PDE4D: variants seen among roughly 807,000 people sequenced by gnomAD.
PDE4D encodes the protein 3',5'-cyclic-AMP phosphodiesterase 4D.
PDE4D carries 24 observed loss-of-function variants against 87.4 expected under a neutral mutation model. The ratio of observed to expected loss-of-function variants is 0.27; its 90% CI spans 0.20 to 0.39. PDE4D has a LOEUF of 0.39. Ranked by LOEUF, PDE4D falls within the 10% of genes least tolerant of loss-of-function variation. The probability of loss-of-function intolerance (pLI) is 1.00; values close to 1 mark genes in which losing one functional copy is unlikely to be tolerated. For missense variants in PDE4D, 714 were observed against 1,041.0 expected, an observed-to-expected ratio of 0.69 and a Z score of 4.32; for synonymous variants, 384 against 383.2, an observed-to-expected ratio of 1.00 and a Z score of -0.02.
At chr5:59,708,635 T>C (rs924285042) in intron 1 of PDE4D, among the ~76,000 whole-genome samples, 9 of 152,150 alleles carry the variant, frequency 5.9e-5, no homozygotes, top group African/African-American at 2.2e-4. Context: ...TTAGACATGA[T>C]GGCTTAGTTG....
intron 1 of PDE4D, among the ~76,000 whole-genome samples, chr5:60,299,884 T>C (rs1753740373): frequency 1.3e-5 from 2 of 152,196 alleles, no homozygotes. Context: ...ATCTTTATAA[T>C]AGAATGATTT....
At chr5:60,142,064 C>A (rs1479097389) in intron 2 of PDE4D, among the ~76,000 whole-genome samples, 3 of 151,958 alleles carry the variant, frequency 2.0e-5, no homozygotes, top group Non-Finnish European at 4.4e-5. Flanking sequence ...AAACATGTAC[C>A]TTTACATTGA....
intron 1 of PDE4D, among the ~76,000 whole-genome samples, chr5:59,836,228 A>G (rs1178786374): frequency 6.6e-5 from 10 of 152,012 alleles, no homozygotes; most frequent in Admixed American, 2.0e-4. Flanking sequence ...CATCATTACA[A>G]TACTTAGCAC....
rs1284942354 is a variant in PDE4D at position 59,433,949 on chromosome 5, C to T, written c.456-217981G>A. Among the ~76,000 whole-genome samples the T allele has an allele frequency of 7.9e-5, 12 of 152,078 alleles. No homozygotes were observed. The East Asian group carries it at 2.3e-3, about 29-fold the overall frequency. On this transcript the variant is annotated intron_variant, in intron 1 of 14. Coordinates refer to ENST00000340635, the MANE Select transcript of PDE4D (RefSeq NM_001104631.2). ...GGAATAATACATATTAATTAAGGTT[C>T]TTTCAGCCTTTAACTCTACCCTGGC...
chr5:60,131,903 T>C (rs1360970792), intron 2 of PDE4D, among the ~76,000 whole-genome samples: 3 of 152,182 alleles, frequency 2.0e-5, no homozygotes, highest in African/African-American at 7.2e-5. Flanking sequence ...TGCCATGTTA[T>C]TAGGGCTTCT....
chr5:59,124,981 T>TA (rs201723470), intron 5 of PDE4D, among the ~76,000 whole-genome samples: 82 of 147,154 alleles, frequency 5.6e-4, no homozygotes, highest in Middle Eastern at 3.5e-3. Flanking sequence ...TTTTCTTTTC[T>TA]TTTCTTTTTT....
chr5:59,009,715 T>C (rs1211738972), intron 6 of PDE4D, among the ~76,000 whole-genome samples: 1 of 152,120 alleles, frequency 6.6e-6, no homozygotes, highest in East Asian at 1.9e-4. Flanking sequence ...GTTATCCAAT[T>C]GTACACATTT....
At position 58,975,857 on chromosome 5, in the gene PDE4D, A is replaced by T; in HGVS notation, c.1831-18T>A. On this transcript the variant is annotated intron_variant, in intron 13 of 14. Coordinates refer to ENST00000340635, the MANE Select transcript of PDE4D (RefSeq NM_001104631.2). The surrounding 1 kb of genome is among the most constrained non-coding windows in gnomAD (Gnocchi z 4.2). Reference sequence around the variant, plus strand: ...TGAAGAACCTAAAATAGATGGATGCATTCTCTATTCACTCCTGTTCCTTTT... The same window carrying T: ...TGAAGAACCTAAAATAGATGGATGCTTTCTCTATTCACTCCTGTTCCTTTT... 1 of 1,407,984 alleles carries T rather than the reference A, an allele frequency of 7.1e-7. No homozygotes were observed. Among genetic ancestry groups the T allele is most frequent in the African/African-American group, 1.5e-5 (1 of 67,664 alleles). 87.2% of individuals were successfully genotyped at this position (1,407,984 alleles called of 1,614,324 possible).
Position 59,812,723 on chromosome 5 carries a change from T to C in PDE4D, c.455+80445A>G, listed in dbSNP as rs147169782. Among the ~76,000 whole-genome samples, 479 of 152,054 alleles carry C rather than the reference T, an allele frequency of 3.2e-3. 5 individuals carry two copies. Among genetic ancestry groups the C allele is most frequent in the African/African-American group, 0.011 (446 of 41,500 alleles). On this transcript the variant is annotated intron_variant, in intron 1 of 14. Transcript: ENST00000340635. ...AAAGTAACAAGTGAGACAAGTGAGA[T>C]AAAACTAAATCCAGTTTATAAGAAA...
chr5:59,349,361 GC>G (rs1365839240), intron 1 of PDE4D, among the ~76,000 whole-genome samples: 2 of 152,066 alleles, frequency 1.3e-5, no homozygotes, highest in African/African-American at 4.8e-5. Flanking sequence ...AGAAGCTGAG[GC>G]CTCCAGAACA....
At chr5:60,123,219 G>A (rs1391700957) in intron 2 of PDE4D, among the ~76,000 whole-genome samples, 1 of 152,044 alleles carries the variant, frequency 6.6e-6, no homozygotes, top group East Asian at 1.9e-4. Flanking sequence ...CTGCCTGTTG[G>A]GCAATTCCAA....
rs546966281 is a variant in PDE4D at position 59,325,763 on chromosome 5, T to C, written c.456-109795A>G. Among the ~76,000 whole-genome samples, 4 of 152,294 alleles carry C rather than the reference T, an allele frequency of 2.6e-5. No homozygotes were observed. The South Asian group carries it at 6.2e-4, about 24-fold the overall frequency. On this transcript the variant is annotated intron_variant, in intron 1 of 14. Transcript: ENST00000340635. ...GAGCCAGTACTATTGACAGTCTGCT[T>C]ATTCACTAATTTCTATGTGTGGAGG...
chr5:59,959,992 A>T (rs1476189199), intron 3 of PDE4D, among the ~76,000 whole-genome samples: 2 of 152,108 alleles, frequency 1.3e-5, no homozygotes, highest in Non-Finnish European at 2.9e-5. Context: ...ACTTATACAA[A>T]TCAATAAGAA....
intron 4 of PDE4D, among the ~76,000 whole-genome samples, chr5:59,184,486 A>G (rs1742426284): frequency 6.6e-6 from 1 of 151,996 alleles, no homozygotes; most frequent in Non-Finnish European, 1.5e-5. Flanking sequence ...TATGATTTAA[A>G]TGTTTTTTTT....
At chr5:59,395,024 G>T (rs565890229) in intron 1 of PDE4D, among the ~76,000 whole-genome samples, 1 of 152,112 alleles carries the variant, frequency 6.6e-6, no homozygotes, top group African/African-American at 2.4e-5. Flanking sequence ...CTTTTCCGAC[G>T]GGCTTAAAAA....
chr5:59,053,362 TAC>T (rs57805618), intron 5 of PDE4D, among the ~76,000 whole-genome samples: 18,489 of 141,848 alleles, frequency 0.13, 1,222 homozygotes, highest in Non-Finnish European at 0.16. Flanking sequence ...TGGGTGTACA[TAC>T]ACACACACAC....
At chr5:60,468,130 C>T (rs3083224) in intron 1 of PDE4D, among the ~76,000 whole-genome samples, 1 of 126,182 alleles carries the variant, frequency 7.9e-6, no homozygotes, top group African/African-American at 3.1e-5. Flanking sequence ...AACTTTCTTT[C>T]TTTTTTCTTT....
intron 1 of PDE4D, among the ~76,000 whole-genome samples, chr5:59,373,549 T>C (rs901632524): frequency 6.6e-6 from 1 of 152,140 alleles, no homozygotes; most frequent in South Asian, 2.1e-4. Context: ...AGACTGAATC[T>C]ACGACTCATT....
chr5:59,134,100 A>G (rs2153452236), intron 5 of PDE4D, among the ~76,000 whole-genome samples: 1 of 149,334 alleles, frequency 6.7e-6, no homozygotes, highest in Non-Finnish European at 1.5e-5. Context: ...CCTCAACTCC[A>G]CTTTTGCTTT....
Sources: allele counts gnomAD v4.1 joint callset (sites outside exome capture counted in the v4.1 genomes callset), GRCh38; gene constraint gnomAD v4.1.1; non-coding constraint Gnocchi (gnomAD v3.1); transcripts MANE v1.5; gene names NCBI Gene and HGNC (gene_info 2026-07-23, HGNC 2026-07-21).